The following UPB1 variants were observed in gnomAD, a reference collection of about 807,000 sequenced individuals.
UPB1 encodes the protein beta-ureidopropionase 1.
Under a neutral mutation model 49.1 loss-of-function variants are expected in UPB1, and 40 were observed. That is an observed-to-expected ratio of 0.81 (90% CI 0.63 to 1.06). The LOEUF is 1.06. Ranked by LOEUF, UPB1 falls within the 50% of genes least tolerant of loss-of-function variation. The pLI is 0.00. For missense variants in UPB1, 499 were observed against 505.9 expected, an observed-to-expected ratio of 0.99 and a Z score of 0.13; for synonymous variants, 207 against 198.2, an observed-to-expected ratio of 1.04 and a Z score of -0.38.
In UPB1 at chr22:24,513,426, G is replaced by A. The variant is rs777099704; in HGVS notation, c.562G>A (p.Gly188Arg). Residue 188 changes from glycine (G) to arginine (R), a missense_variant, in exon 5 of 10, where the codon GGA becomes AGA. By Grantham distance (125) the Gly-to-Arg change is moderately radical (BLOSUM62 -2). Transcript: ENST00000326010. ...TACAGCCGTGGTGATCTCCAATTCC[G>A]GAGCAGTCCTGGGAAAGACCAGGAA... Reference protein sequence around the residue: ...WNTAVVISNSGAVLGKTRKNH... With the variant: ...WNTAVVISNSRAVLGKTRKNH... 8.7e-6 allele frequency: 14 copies of A among 1,614,026 alleles called. No homozygotes were observed. Among genetic ancestry groups the A allele is most frequent in the African/African-American group, 2.7e-5 (2 of 74,906 alleles).
At chr22:24,511,614 A>T (rs201138573) in intron 4 of UPB1, among the ~76,000 whole-genome samples, 11,136 of 120,706 alleles carry the variant, frequency 0.092, 633 homozygotes, top group African/African-American at 0.13. Flanking sequence ...ATATATATAT[A>T]TATATTTTTT....
intron 5 of UPB1, among the ~76,000 whole-genome samples, chr22:24,514,164 G>A (rs545974441): frequency 6.6e-6 from 1 of 152,294 alleles, no homozygotes; most frequent in Non-Finnish European, 1.5e-5. Context: ...CATTAATGCA[G>A]TTGTTCAGGA....
At chr22:24,521,273 G>A (rs951770120) in intron 7 of UPB1, among the ~76,000 whole-genome samples, 1 of 151,326 alleles carries the variant, frequency 6.6e-6, no homozygotes, top group Non-Finnish European at 1.5e-5. Flanking sequence ...CCTGAAGTCA[G>A]GAGTTCCAGA....
chr22:24,521,456 C>CA, intron 7 of UPB1, among the ~76,000 whole-genome samples: 3 of 152,012 alleles, frequency 2.0e-5, no homozygotes, highest in East Asian at 3.9e-4. Flanking sequence ...GCCTGGGCAA[C>CA]AAAAATGAAA....
At chr22:24,501,932 C>T (rs1320119624) in intron 2 of UPB1, among the ~76,000 whole-genome samples, 194 bp from the exon 3 acceptor site, 1 of 152,172 alleles carries the variant, frequency 6.6e-6, no homozygotes. Context: ...AAGTGTCTGA[C>T]CCCAGAGCCT....
At chr22:24,523,872 G>A in intron 9 of UPB1, 99 bp downstream of exon 9, 1 of 1,567,000 alleles carries the variant, frequency 6.4e-7, no homozygotes, top group Non-Finnish European at 8.7e-7. Context: ...GCAGCATGAG[G>A]TACCAGCTCC....
intron 3 of UPB1, among the ~76,000 whole-genome samples, chr22:24,504,209 T>C (rs1041428962): frequency 3.8e-4 from 58 of 152,240 alleles, no homozygotes; most frequent in African/African-American, 1.3e-3. Context: ...CCCATTTAGC[T>C]AGGGACTCTC....
chr22:24,507,076 GCCTCACCCAA>G (rs1466667670), intron 3 of UPB1, among the ~76,000 whole-genome samples: 1 of 152,214 alleles, frequency 6.6e-6, no homozygotes, highest in Non-Finnish European at 1.5e-5. Context: ...TTTGCAGCCA[GCCTCACCCAA>G]CCTCACTTCC....
chr22:24,496,378 CACACACACACACACACACACACACAT>C (rs938401440), intron 1 of UPB1, among the ~76,000 whole-genome samples: 48 of 133,264 alleles, frequency 3.6e-4, no homozygotes, highest in South Asian at 1.4e-3. Context: ...CTCAAACACA[CACACACACACACACACACACACACAT>C]ACACACACAC....
chr22:24,520,594 G>C (rs1376912637), intron 7 of UPB1, 126 bp downstream of exon 7: 1 of 1,079,440 alleles, frequency 9.3e-7, no homozygotes, highest in East Asian at 2.6e-5. Context: ...GGCTTGGTCC[G>C]TTACTTTTCA....
chr22:24,513,449 G>A lies in UPB1; in HGVS notation c.585G>A (p.Arg195=). 2.5e-6 allele frequency: 4 copies of A among 1,614,128 alleles called. No homozygotes were observed. The highest frequency in any genetic ancestry group is 2.5e-6 in the Non-Finnish European group (3 of 1,180,026). Residue 195 remains arginine (R), a synonymous_variant, in exon 5 of 10, where the codon AGG becomes AGA. Coordinates refer to ENST00000326010, the MANE Select transcript of UPB1 (RefSeq NM_016327.3). The part of the protein sequence containing the change: ...SNSGAVLGKT[R]KNHIPRVGDF... ...CCGGAGCAGTCCTGGGAAAGACCAG[G>A]AAAAACCACATCCCCAGAGTGGGTG... is the stretch of plus-strand genomic sequence containing the variant.
At chr22:24,504,884 C>A (rs1601486823) in intron 3 of UPB1, among the ~76,000 whole-genome samples, 1 of 150,822 alleles carries the variant, frequency 6.6e-6, no homozygotes, top group African/African-American at 2.4e-5. Flanking sequence ...CATACCACCA[C>A]ACCTGGCTAA....
chr22:24,496,198 C>G (rs551052770), intron 1 of UPB1, among the ~76,000 whole-genome samples: 1 of 152,156 alleles, frequency 6.6e-6, no homozygotes, highest in East Asian at 1.9e-4. Context: ...GTGAGACACC[C>G]ATCTCTATAA....
chr22:24,522,221 CAG>C, intron 8 of UPB1, among the ~76,000 whole-genome samples, 193 bp downstream of exon 8: 1 of 152,132 alleles, frequency 6.6e-6, no homozygotes, highest in Non-Finnish European at 1.5e-5. Flanking sequence ...TGTGGATAGG[CAG>C]TCCTGAGCTT....
At chr22:24,507,860 G>A (rs1212228969) in intron 3 of UPB1, among the ~76,000 whole-genome samples, 1 of 152,060 alleles carries the variant, frequency 6.6e-6, no homozygotes, top group African/African-American at 2.4e-5. Flanking sequence ...GCTAAGGTGG[G>A]AGGGCTAGAT....
intron 4 of UPB1, among the ~76,000 whole-genome samples, chr22:24,512,765 T>C (rs2044228645): frequency 6.6e-6 from 1 of 152,194 alleles, no homozygotes; most frequent in African/African-American, 2.4e-5. Flanking sequence ...CTAGATACCT[T>C]ACACAAGTGG....
In UPB1 at chr22:24,521,197, AAAG is replaced by A. The variant is rs1473965106; in HGVS notation, c.873+730_873+732del. 2.7e-5 allele frequency among the ~76,000 whole-genome samples: 4 copies of A among 150,836 alleles called. No individual in the cohort carries two copies. The East Asian group carries it at 5.8e-4, about 22-fold the overall frequency. Reference sequence around the variant, plus strand: ...ACTCTGTCAAAAAAAAAAAAAAAAAAAAGGCCAGGTGCGGACGCTCATGCCTGT... The same window carrying A: ...ACTCTGTCAAAAAAAAAAAAAAAAAAGCCAGGTGCGGACGCTCATGCCTGT... On this transcript the variant is annotated intron_variant, in intron 7 of 9. Coordinates refer to ENST00000326010, the MANE Select transcript of UPB1 (RefSeq NM_016327.3).
chr22:24,521,462 T>C (rs1208143817), intron 7 of UPB1, among the ~76,000 whole-genome samples: 1 of 151,908 alleles, frequency 6.6e-6, no homozygotes, highest in Non-Finnish European at 1.5e-5. Flanking sequence ...GCAACAAAAA[T>C]GAAACTCCGT....
At chr22:24,501,492 C>T (rs568566846) in intron 2 of UPB1, among the ~76,000 whole-genome samples, 57 of 152,266 alleles carry the variant, frequency 3.7e-4, no homozygotes, top group African/African-American at 1.2e-3. Context: ...CAATGGCTCC[C>T]GAAGGCCAGG....
Sources: gnomAD v4.1 joint callset for allele counts (sites outside exome capture counted in the v4.1 genomes callset) on GRCh38, gnomAD v4.1.1 for gene constraint, MANE v1.5 for transcripts, NCBI Gene and HGNC (gene_info 2026-07-23, HGNC 2026-07-21) for gene names.